RBMS2: variants seen among roughly 807,000 people sequenced by gnomAD.
RBMS2 encodes the protein RNA-binding motif, single-stranded-interacting protein 2.
In RBMS2, 38 loss-of-function variants were observed where a neutral mutation model predicts 58.4. The ratio of observed to expected loss-of-function variants is 0.65; its 90% CI spans 0.50 to 0.85. RBMS2 has a LOEUF of 0.85. Among genes scored for constraint, RBMS2 ranks in the 40% least tolerant of loss-of-function variants. The probability of loss-of-function intolerance (pLI) is 0.00; values close to 1 mark genes in which losing one functional copy is unlikely to be tolerated. For synonymous variants in RBMS2, 151 were observed against 180.7 expected (o/e 0.84, Z 1.32); for missense variants, 367 against 503.7 (o/e 0.73, Z 2.60).
At position 56,581,921 on chromosome 12, in the gene RBMS2, C is replaced by G; in HGVS notation, c.779+42C>G. 2.5e-6 allele frequency: 4 copies of G among 1,600,988 alleles called. No homozygotes were observed. In the South Asian group the frequency reaches 3.3e-5, roughly 13 times the overall value. On this transcript the variant is annotated intron_variant, in intron 8 of 13. Transcript: ENST00000262031. ...TCAAGCCACCTGAAAATGATAATGG[C>G]CTGTGTCCAGACACTCAAATGATTC...
At chr12:56,526,873 T>G (rs1872742514) in intron 1 of RBMS2, among the ~76,000 whole-genome samples, 1 of 152,144 alleles carries the variant, frequency 6.6e-6, no homozygotes, top group African/African-American at 2.4e-5. Context: ...TTATTATAAT[T>G]TAACTCCTCA....
At chr12:56,538,466 CTTTTTTTTTT>C (rs58534515) in intron 1 of RBMS2, among the ~76,000 whole-genome samples, 3 of 72,500 alleles carry the variant, frequency 4.1e-5, no homozygotes, top group African/African-American at 1.6e-4. Context: ...GTACTGATAT[CTTTTTTTTTT>C]TTTTTTTTTT....
chr12:56,553,653 G>T (rs2136359814), intron 1 of RBMS2, among the ~76,000 whole-genome samples: 1 of 152,030 alleles, frequency 6.6e-6, no homozygotes, highest in Non-Finnish European at 1.5e-5. Flanking sequence ...TTTTAGTAGA[G>T]GCGAGGTTTT....
In RBMS2 at chr12:56,586,844, T is replaced by C; in HGVS notation, c.874-5T>C. The stretch of plus-strand genomic sequence containing the variant: ...AATTAACATTTTTGTTTTTGCTTGT[T>C]TTAGAGAGTGACTCAGACATCTCCT... On this transcript the variant is annotated splice_region_variant and splice_polypyrimidine_tract_variant and intron_variant, in intron 9 of 13. Coordinates refer to ENST00000262031, the MANE Select transcript of RBMS2 (RefSeq NM_002898.4). The C allele has an allele frequency of 6.2e-7, 1 of 1,611,898 alleles. No homozygotes were observed. Among genetic ancestry groups the C allele is most frequent in the Non-Finnish European group, 8.5e-7 (1 of 1,177,946 alleles).
intron 1 of RBMS2, among the ~76,000 whole-genome samples, chr12:56,522,308 G>A (rs1409391948): frequency 6.6e-6 from 1 of 152,008 alleles, no homozygotes; most frequent in African/African-American, 2.4e-5. Context: ...GGCCTGAAAA[G>A]ACAGGGGAAT....
chr12:56,557,880 A>G (rs1592409072), intron 1 of RBMS2, among the ~76,000 whole-genome samples: 1 of 150,826 alleles, frequency 6.6e-6, no homozygotes, highest in Non-Finnish European at 1.5e-5. Flanking sequence ...CTGGGATTAC[A>G]GGCATGCACC....
At chr12:56,587,857 C>T (rs1257423710) in intron 11 of RBMS2, 193 bp downstream of exon 11, 1 of 453,748 alleles carries the variant, frequency 2.2e-6, no homozygotes, top group Non-Finnish European at 2.9e-6. Context: ...CTCCCCAGCC[C>T]ACCCCTTTTA....
chr12:56,557,192 A>C (rs1879384203), intron 1 of RBMS2, among the ~76,000 whole-genome samples: 1 of 152,142 alleles, frequency 6.6e-6, no homozygotes, highest in Non-Finnish European at 1.5e-5. Flanking sequence ...TTCTCCGGTA[A>C]GAATATGTCA....
chr12:56,541,467 C>G (rs1453316387), intron 1 of RBMS2, among the ~76,000 whole-genome samples: 6 of 152,122 alleles, frequency 3.9e-5, no homozygotes, highest in Non-Finnish European at 7.3e-5. Flanking sequence ...ATAATATTTG[C>G]ATAGCTCTTA....
At chr12:56,561,368 T>A (rs1369818057) in intron 1 of RBMS2, among the ~76,000 whole-genome samples, 1 of 152,146 alleles carries the variant, frequency 6.6e-6, no homozygotes, top group Non-Finnish European at 1.5e-5. Context: ...TTGAAATAAT[T>A]TACACTCCCA....
At chr12:56,562,947 C>T (rs1441802661) in intron 2 of RBMS2, among the ~76,000 whole-genome samples, 1 of 152,032 alleles carries the variant, frequency 6.6e-6, no homozygotes, top group Non-Finnish European at 1.5e-5. Context: ...ATGGTGAAAC[C>T]CCGTCTCTAC....
rs2136655622 is a variant in RBMS2, at chr12:56,595,635, A to T, written c.*6502A>T. ...GTCTTATCCGTGAGTGGGAAGTGGTAAGCTGGTGATGGTCCCATATTTGCT... is the reference window on the plus strand; with the variant it reads ...GTCTTATCCGTGAGTGGGAAGTGGTTAGCTGGTGATGGTCCCATATTTGCT... On this transcript the variant is annotated 3_prime_UTR_variant, in exon 14 of 14. Coordinates refer to ENST00000262031, the MANE Select transcript of RBMS2 (RefSeq NM_002898.4). 1 of 152,070 alleles carries T rather than the reference A, an allele frequency of 6.6e-6. No individual in the cohort carries two copies. The highest frequency in any genetic ancestry group is 1.5e-5 in the Non-Finnish European group (1 of 68,004). The allele number at this position is 152,070 out of a possible 1,614,324, so 9.4% of individuals were successfully genotyped here.
intron 1 of RBMS2, among the ~76,000 whole-genome samples, chr12:56,560,529 C>T (rs1433980315): frequency 6.6e-6 from 1 of 152,080 alleles, no homozygotes. Context: ...GCTGGGATTA[C>T]GGGCGTGAGC....
chr12:56,550,485 A>T (rs1483052069), intron 1 of RBMS2, among the ~76,000 whole-genome samples: 2 of 152,072 alleles, frequency 1.3e-5, no homozygotes, highest in Non-Finnish European at 2.9e-5. Flanking sequence ...AACTGTGATC[A>T]TGTCATTACA....
intron 1 of RBMS2, among the ~76,000 whole-genome samples, chr12:56,524,800 A>C (rs1592305924): frequency 6.6e-6 from 1 of 151,218 alleles, no homozygotes; most frequent in South Asian, 2.1e-4. Context: ...GCTCACTGCA[A>C]CCTCCGCCTC....
Position 56,586,280 on chromosome 12 carries a change from T to G in RBMS2, c.874-569T>G, listed in dbSNP as rs544618734. ...CCGGGAGGCGGAGCTTGCAGTGAGC[T>G]GAGATCCTGCCACTGCACTCCAGCT... is the stretch of plus-strand genomic sequence containing the variant. On this transcript the variant is annotated intron_variant, in intron 9 of 13. Transcript: ENST00000262031. Among the ~76,000 whole-genome samples the G allele has an allele frequency of 4.0e-5, 6 of 151,444 alleles. No homozygotes were observed. The South Asian group carries it at 1.3e-3, about 32-fold the overall frequency.
chr12:56,547,214 G>T lies in RBMS2; in HGVS notation c.67-15203G>T, dbSNP rs943623016. Among the ~76,000 whole-genome samples the T allele has an allele frequency of 3.3e-5, 5 of 152,128 alleles. No homozygotes were observed. In the South Asian group the frequency reaches 1.0e-3, roughly 32 times the overall value. The stretch of plus-strand genomic sequence containing the variant: ...AAAAAATATTTTTAAAATTAGCCAG[G>T]CATGGTGGCGGGTGCCTGTAATCCC... On this transcript the variant is annotated intron_variant, in intron 1 of 13. Transcript: ENST00000262031.
chr12:56,573,476 C>CAAAAAAAA (rs71081382), intron 5 of RBMS2, among the ~76,000 whole-genome samples: 6 of 59,678 alleles, frequency 1.0e-4, no homozygotes, highest in African/African-American at 1.4e-4. Flanking sequence ...GACGCCATCT[C>CAAAAAAAA]AAAAAAAAAA....
chr12:56,584,417 G>T (rs1884382365), intron 9 of RBMS2, among the ~76,000 whole-genome samples: 1 of 148,414 alleles, frequency 6.7e-6, no homozygotes, highest in African/African-American at 2.5e-5. Context: ...GTGCAACAGA[G>T]CAAGACCATG....
Sources: allele counts gnomAD v4.1 joint callset (sites outside exome capture counted in the v4.1 genomes callset), GRCh38; gene constraint gnomAD v4.1.1; transcripts MANE v1.5; gene names NCBI Gene and HGNC (gene_info 2026-07-23, HGNC 2026-07-21).